The following CTNNA2 variants were observed in gnomAD, a reference collection of about 807,000 sequenced individuals.
CTNNA2 encodes catenin alpha-2.
CTNNA2 carries 42 observed loss-of-function variants against 101.0 expected under a neutral mutation model. That is an observed-to-expected ratio of 0.42 (90% CI 0.32 to 0.54). CTNNA2 has a LOEUF of 0.54. Ranked by LOEUF, CTNNA2 falls within the 20% of genes least tolerant of loss-of-function variation. The pLI, the probability that CTNNA2 is intolerant of heterozygous loss-of-function variation, is 0.14. For synonymous variants in CTNNA2, 450 were observed against 456.4 expected (o/e 0.99, Z 0.18); for missense variants, 871 against 1,223.1 (o/e 0.71, Z 4.29).
intron 2 of CTNNA2, among the ~76,000 whole-genome samples, chr2:79,301,318 T>C (rs774224332): frequency 6.6e-6 from 1 of 152,180 alleles, no homozygotes. Flanking sequence ...CTGATATATA[T>C]ATAACACAGT....
At chr2:80,534,112 G>C (rs538315540) in intron 9 of CTNNA2, among the ~76,000 whole-genome samples, 2 of 152,240 alleles carry the variant, frequency 1.3e-5, no homozygotes, top group South Asian at 4.1e-4. Context: ...TTTGGGCAGA[G>C]GCATGCAAAC....
At chr2:79,332,449 A>G (rs990754998) in intron 3 of CTNNA2, among the ~76,000 whole-genome samples, 2 of 152,200 alleles carry the variant, frequency 1.3e-5, no homozygotes, top group Admixed American at 6.5e-5. Context: ...TAAGAATGGC[A>G]TGAAAGGTGG....
chr2:80,059,543 C>T (rs753194220), intron 7 of CTNNA2, among the ~76,000 whole-genome samples: 111 of 152,130 alleles, frequency 7.3e-4, no homozygotes, highest in Non-Finnish European at 1.4e-3. Flanking sequence ...ATATTTTAGT[C>T]GCTTGGATAC....
At chr2:79,691,124 A>G (rs565260894) in intron 2 of CTNNA2, among the ~76,000 whole-genome samples, 3 of 152,158 alleles carry the variant, frequency 2.0e-5, no homozygotes, top group Admixed American at 6.6e-5. Context: ...CTGTAAAACT[A>G]TAATAACTAC....
chr2:79,587,370 G>A (rs997871796), intron 1 of CTNNA2, among the ~76,000 whole-genome samples: 5 of 152,098 alleles, frequency 3.3e-5, no homozygotes, highest in Non-Finnish European at 5.9e-5. Flanking sequence ...GAGAAGTTAC[G>A]TAACATGCCC....
intron 7 of CTNNA2, among the ~76,000 whole-genome samples, chr2:80,039,476 T>C (rs1343291335): frequency 6.6e-6 from 1 of 152,170 alleles, no homozygotes; most frequent in Non-Finnish European, 1.5e-5. Flanking sequence ...AAAAGTGAAA[T>C]TCCAGTAATG....
intron 7 of CTNNA2, among the ~76,000 whole-genome samples, chr2:80,172,325 C>A (rs745551396): frequency 6.6e-6 from 1 of 152,174 alleles, no homozygotes; most frequent in Non-Finnish European, 1.5e-5. Flanking sequence ...ACCAGAAAAT[C>A]ATTTCATTGT....
intron 7 of CTNNA2, among the ~76,000 whole-genome samples, chr2:80,008,586 G>A (rs2104003682): frequency 6.6e-6 from 1 of 152,316 alleles, no homozygotes; most frequent in East Asian, 1.9e-4. Flanking sequence ...TCAAGGAAAG[G>A]ACAGTGTAGC....
intron 1 of CTNNA2, among the ~76,000 whole-genome samples, chr2:79,513,768 C>T (rs79540517): frequency 0.01 from 1,530 of 152,288 alleles, 25 homozygotes; most frequent in East Asian, 0.047. Flanking sequence ...CTTGGACATG[C>T]TGCCAACAGC....
chr2:80,406,436 T>C (rs1467239513), intron 8 of CTNNA2, among the ~76,000 whole-genome samples: 1 of 152,014 alleles, frequency 6.6e-6, no homozygotes, highest in African/African-American at 2.4e-5. Context: ...TCAGCACTAA[T>C]GGACTCTGAG....
At chr2:80,577,284 A>G (rs898268668) in intron 13 of CTNNA2, among the ~76,000 whole-genome samples, 1 of 152,116 alleles carries the variant, frequency 6.6e-6, no homozygotes, top group African/African-American at 2.4e-5. Flanking sequence ...AAACCAAAGT[A>G]TCCTAAAGGG....
chr2:80,265,759 A>G (rs1672958493), intron 7 of CTNNA2, among the ~76,000 whole-genome samples: 1 of 152,196 alleles, frequency 6.6e-6, no homozygotes, highest in Non-Finnish European at 1.5e-5. Flanking sequence ...TTCCTTTTGC[A>G]TCCTCTGTGG....
intron 3 of CTNNA2, among the ~76,000 whole-genome samples, chr2:79,836,645 A>G (rs1330609518): frequency 6.6e-6 from 1 of 152,110 alleles, no homozygotes; most frequent in Non-Finnish European, 1.5e-5. Flanking sequence ...GCTTCTTCCT[A>G]GCTCCTGGTG....
In CTNNA2 at chr2:79,354,360, G is replaced by A. The variant is rs547795032; in HGVS notation, c.-317-19471G>A. On this transcript the variant is annotated intron_variant, in intron 3 of 21. Coordinates refer to the CTNNA2 transcript ENST00000466387. ...GTACATAATCTCACATTTCTCAAAG[G>A]TTTTGTTCATTTTTTAAAATTCTTT... is the stretch of plus-strand genomic sequence containing the variant. Among the ~76,000 whole-genome samples the A allele has an allele frequency of 5.3e-5, 8 of 152,114 alleles. No individual in the cohort carries two copies. In the East Asian group the frequency reaches 1.5e-3, roughly 29 times the overall value.
At chr2:80,198,587 A>G (rs771383282) in intron 7 of CTNNA2, among the ~76,000 whole-genome samples, 3 of 152,142 alleles carry the variant, frequency 2.0e-5, no homozygotes, top group Non-Finnish European at 1.5e-5. Context: ...TCAACATTCA[A>G]TGTGTGAGAC....
chr2:79,937,670 G>T (rs2104445807), intron 7 of CTNNA2, among the ~76,000 whole-genome samples: 1 of 152,306 alleles, frequency 6.6e-6, no homozygotes, highest in Non-Finnish European at 1.5e-5. Flanking sequence ...AGATACTGAA[G>T]CCGGCCAAGG....
chr2:80,322,709 A>G (rs1448423727), intron 7 of CTNNA2, among the ~76,000 whole-genome samples: 2 of 152,104 alleles, frequency 1.3e-5, no homozygotes, highest in Non-Finnish European at 2.9e-5. Context: ...CGCCTTGTCC[A>G]TTATCCAAAA....
chr2:79,682,156 C>T (rs1040619005), intron 2 of CTNNA2, among the ~76,000 whole-genome samples: 2 of 152,030 alleles, frequency 1.3e-5, no homozygotes, highest in Non-Finnish European at 2.9e-5. Context: ...CGCCTGTAAT[C>T]CCAGCACTTT....
chr2:80,574,445 T>C, intron 13 of CTNNA2, 131 bp downstream of exon 13: 2 of 1,080,132 alleles, frequency 1.9e-6, no homozygotes, highest in South Asian at 2.3e-5. Context: ...TCCTTATTAG[T>C]CAGACAAGGT....
Sources: gnomAD v4.1 joint callset for allele counts (sites outside exome capture counted in the v4.1 genomes callset) on GRCh38, gnomAD v4.1.1 for gene constraint, MANE v1.5 for transcripts, NCBI Gene and HGNC (gene_info 2026-07-23, HGNC 2026-07-21) for gene names.